AP3D1: variants seen among roughly 807,000 people sequenced by gnomAD.
The protein encoded by AP3D1 is AP-3 complex subunit delta-1.
Under a neutral mutation model 147.6 loss-of-function variants are expected in AP3D1, and 51 were observed. That is an observed-to-expected ratio of 0.35 (90% CI 0.28 to 0.44). The LOEUF (loss-of-function observed/expected upper bound fraction) is 0.44, where lower values mean the gene tolerates loss of function less well. Ranked by LOEUF, AP3D1 falls within the 20% of genes least tolerant of loss-of-function variation. AP3D1 has a pLI of 1.00. For missense variants in AP3D1, 1,421 were observed against 1,624.2 expected, an observed-to-expected ratio of 0.87 and a Z score of 2.15; for synonymous variants, 760 against 663.0, an observed-to-expected ratio of 1.15 and a Z score of -2.25.
chr19:2,102,042 C>T lies in AP3D1; in HGVS notation c.*131G>A, dbSNP rs1052995124. The T allele has an allele frequency of 8.7e-6, 6 of 689,512 alleles. No individual in the cohort carries two copies. Among genetic ancestry groups the T allele is most frequent in the African/African-American group, 5.4e-5 (3 of 55,058 alleles). The allele number at this position is 689,512 out of a possible 1,614,324, so 42.7% of individuals were successfully genotyped here. On this transcript the variant is annotated 3_prime_UTR_variant, in exon 32 of 32. Coordinates refer to ENST00000643116, the MANE Select transcript of AP3D1 (RefSeq NM_001261826.3). Reference sequence around the variant, plus strand: ...CAAATGACCTCGGATGTCTACACGGCGGACAACATAGAGTTAAATTAACAC... The same window carrying T: ...CAAATGACCTCGGATGTCTACACGGTGGACAACATAGAGTTAAATTAACAC...
upstream of AP3D1, among the ~76,000 whole-genome samples, chr19:2,155,083 A>G (rs534174480): frequency 6.6e-6 from 1 of 152,310 alleles, no homozygotes; most frequent in South Asian, 2.1e-4. Flanking sequence ...CCGGAGGCTG[A>G]GGCAGGAGAA....
chr19:2,154,988 T>C (rs2019633259), upstream of AP3D1, among the ~76,000 whole-genome samples: 1 of 152,174 alleles, frequency 6.6e-6, no homozygotes, highest in Non-Finnish European at 1.5e-5. Context: ...GAGACCATCC[T>C]GGCGAACATG....
upstream of AP3D1, among the ~76,000 whole-genome samples, chr19:2,152,081 G>A (rs1356503395): frequency 6.6e-6 from 1 of 152,226 alleles, no homozygotes; most frequent in Non-Finnish European, 1.5e-5. Context: ...CCCACAGGAA[G>A]AAAATGAGGC....
chr19:2,136,745 C>T lies in AP3D1; in HGVS notation c.354+266G>A, dbSNP rs1460728435. Among the ~76,000 whole-genome samples, 6 of 152,170 alleles carry T rather than the reference C, an allele frequency of 3.9e-5. 1 individual carries two copies. ...GAGTGGACCCTGGAGCCCCATTCGC[C>T]GGCCCCTCCAGGTGGTGAGCGAGGG... On this transcript the variant is annotated intron_variant, in intron 4 of 31. Transcript: ENST00000643116.
At chr19:2,127,604 G>A (rs1340408993) in intron 8 of AP3D1, among the ~76,000 whole-genome samples, 3 of 152,118 alleles carry the variant, frequency 2.0e-5, no homozygotes, top group Non-Finnish European at 4.4e-5. Flanking sequence ...GGCTCACTGC[G>A]ACCTCCGCCT....
chr19:2,108,760 T>C lies in AP3D1; in HGVS notation c.3479A>G (p.Glu1160Gly), dbSNP rs745974282. The change falls in exon 31 of 32, where the codon GAG becomes GGG. Residue 1160 changes from glutamate (E) to glycine (G), a missense_variant. Glu to Gly is a moderately conservative substitution (Grantham distance 98). This residue lies in a region of AP3D1 where 791 missense variants were observed against 761.4 expected (regional missense o/e 1.04). Transcript: ENST00000643116. ...ICFHHHFSVV[E>G]RVDSCASMYS... The stretch of plus-strand genomic sequence containing the variant: ...CATGGAGGCGCAGGAGTCCACTCGC[T>C]CCACAACTGCAACAGAGCGGGCAGT... The C allele has an allele frequency of 3.2e-6, 5 of 1,568,986 alleles. No individual in the cohort carries two copies. Among genetic ancestry groups the C allele is most frequent in the Non-Finnish European group, 3.5e-6 (4 of 1,157,236 alleles).
intron 1 of AP3D1, among the ~76,000 whole-genome samples, chr19:2,146,082 C>T (rs1025948534): frequency 3.3e-5 from 5 of 152,110 alleles, no homozygotes; most frequent in African/African-American, 9.7e-5. Flanking sequence ...AACGACCCCA[C>T]ATGGAAACCA....
chr19:2,134,911 T>C (rs1160522292), intron 4 of AP3D1, among the ~76,000 whole-genome samples: 4 of 151,252 alleles, frequency 2.6e-5, no homozygotes, highest in Admixed American at 6.6e-5. Context: ...CAGGAAATAA[T>C]TTTTTTTATT....
At chr19:2,158,448 T>C (rs2019667165) in intron 1 of AP3D1, among the ~76,000 whole-genome samples, 1 of 151,150 alleles carries the variant, frequency 6.6e-6, no homozygotes, top group African/African-American at 2.4e-5. Context: ...CCTCAACTCC[T>C]GGGCTCAAGC....
At position 2,108,630 on chromosome 19, in the gene AP3D1, G is replaced by C; in HGVS notation, c.3552+57C>G. ...CGCGCCTCTGGGGATGAAGGCCTGG[G>C]CATGACCCCAGGAGAGGTGGCAGGA... On this transcript the variant is annotated intron_variant, in intron 31 of 31. Coordinates refer to ENST00000643116, the MANE Select transcript of AP3D1 (RefSeq NM_001261826.3). 4 of 1,503,502 alleles carry C rather than the reference G, an allele frequency of 2.7e-6. No homozygotes were observed. In the South Asian group the frequency reaches 4.8e-5, roughly 18 times the overall value. 93.1% of individuals were successfully genotyped at this position (1,503,502 alleles called of 1,614,324 possible).
chr19:2,154,568 C>T (rs566773476), upstream of AP3D1, among the ~76,000 whole-genome samples: 5 of 152,334 alleles, frequency 3.3e-5, no homozygotes, highest in South Asian at 2.1e-4. Context: ...TGAGCCACCA[C>T]GCCCCATCCT....
At chr19:2,139,235 T>TA (rs1411255469) in intron 1 of AP3D1, among the ~76,000 whole-genome samples, 1 of 152,054 alleles carries the variant, frequency 6.6e-6, no homozygotes, top group Non-Finnish European at 1.5e-5. Context: ...TCTAGGCTGA[T>TA]AATGTTCTGG....
chr19:2,116,063 C>G, intron 18 of AP3D1, 144 bp downstream of exon 18: 2 of 800,334 alleles, frequency 2.5e-6, no homozygotes, highest in Non-Finnish European at 3.9e-6. Context: ...GCCTGCCCCT[C>G]AAAGGCTCCG....
chr19:2,126,781 C>T (rs780336007), intron 9 of AP3D1, among the ~76,000 whole-genome samples: 43 of 151,892 alleles, frequency 2.8e-4, no homozygotes, highest in African/African-American at 5.6e-4. Flanking sequence ...ATGCAGTGTA[C>T]TGTGAGAGCG....
At chr19:2,162,513 T>A (rs2019729974) in intron 1 of AP3D1, among the ~76,000 whole-genome samples, 1 of 150,974 alleles carries the variant, frequency 6.6e-6, no homozygotes, top group Admixed American at 6.6e-5. Flanking sequence ...CTACAAAAAT[T>A]AACCGGGCGT....
chr19:2,160,452 T>C (rs2019687215), intron 1 of AP3D1, among the ~76,000 whole-genome samples: 1 of 151,980 alleles, frequency 6.6e-6, no homozygotes, highest in African/African-American at 2.4e-5. Context: ...TCGAATCGCT[T>C]GAAACCAGGA....
At chr19:2,116,843 G>T in intron 16 of AP3D1, 97 bp from the exon 17 acceptor site, 1 of 1,431,808 alleles carries the variant, frequency 7.0e-7, no homozygotes, top group Non-Finnish European at 9.3e-7. Flanking sequence ...CTGGCCATGT[G>T]ATATCCCAAA....
intron 14 of AP3D1, among the ~76,000 whole-genome samples, chr19:2,119,927 T>G (rs1272370079): frequency 6.6e-6 from 1 of 151,812 alleles, no homozygotes; most frequent in African/African-American, 2.4e-5. Context: ...GGGCAAAGCT[T>G]GGGAGATAGC....
chr19:2,124,123 C>A (rs562104928), intron 9 of AP3D1, among the ~76,000 whole-genome samples: 73 of 152,364 alleles, frequency 4.8e-4, no homozygotes, highest in Admixed American at 2.5e-3. Flanking sequence ...GGGGCCTCAG[C>A]TGTTCCTGCA....
Sources: allele counts gnomAD v4.1 joint callset (sites outside exome capture counted in the v4.1 genomes callset), GRCh38; gene constraint gnomAD v4.1.1; regional missense constraint gnomAD v4.1.1; transcripts MANE v1.5; gene names NCBI Gene and HGNC (gene_info 2026-07-23, HGNC 2026-07-21).